The following DSCAML1 variants were observed in gnomAD, a reference collection of about 807,000 sequenced individuals.
DSCAML1 encodes the protein cell adhesion molecule DSCAML1.
DSCAML1 carries 38 observed loss-of-function variants against 200.5 expected under a neutral mutation model. The observed-to-expected ratio is 0.19, with a 90% CI of 0.15 to 0.25. DSCAML1 has a LOEUF of 0.25. Ranked by LOEUF, DSCAML1 falls within the 10% of genes least tolerant of loss-of-function variation. DSCAML1 has a pLI of 1.00. For missense variants in DSCAML1, 2,223 were observed against 2,858.8 expected, an observed-to-expected ratio of 0.78 and a Z score of 5.07; for synonymous variants, 1,215 against 1,165.0, an observed-to-expected ratio of 1.04 and a Z score of -0.87.
chr11:117,790,470 A>C (rs908813505), intron 1 of DSCAML1, among the ~76,000 whole-genome samples: 4 of 152,208 alleles, frequency 2.6e-5, no homozygotes, highest in Admixed American at 2.0e-4. Flanking sequence ...AAAATTCTCC[A>C]TATGTTGGGG....
chr11:117,437,043 T>C lies in DSCAML1; in HGVS notation c.4720+79A>G, dbSNP rs962204385. 1.2e-5 allele frequency: 18 copies of C among 1,518,782 alleles called. No individual in the cohort carries two copies. Among genetic ancestry groups the C allele is most frequent in the Middle Eastern group, 1.8e-4 (1 of 5,568 alleles). The allele number at this position is 1,518,782 out of a possible 1,614,324, so 94.1% of individuals were successfully genotyped here. On this transcript the variant is annotated intron_variant, in intron 26 of 32. Transcript: ENST00000651296. The surrounding 1 kb of genome is among the most constrained non-coding windows in gnomAD (Gnocchi z 5.3). ...GTTTTTCTATTAGTCTGTCTCTTTA[T>C]GTATCTGCCACTCTGCCCACTTCCT...
chr11:117,513,395 C>T lies in DSCAML1; in HGVS notation c.1783+3072G>A, dbSNP rs543060442. ...TGAGGGTCTCCTCTCTCCTCCCAGA[C>T]CTCAGATGGCCACGGTGAGGTTTCC... On this transcript the variant is annotated intron_variant, in intron 8 of 32. Transcript: ENST00000651296. Among the ~76,000 whole-genome samples, 4 of 152,250 alleles carry T rather than the reference C, an allele frequency of 2.6e-5. No homozygotes were observed. In the South Asian group the frequency reaches 8.3e-4, roughly 32 times the overall value.
At chr11:117,683,453 G>A (rs1050710724) in intron 3 of DSCAML1, among the ~76,000 whole-genome samples, 2 of 152,198 alleles carry the variant, frequency 1.3e-5, no homozygotes, top group Admixed American at 6.5e-5. Flanking sequence ...AGTCATCTGC[G>A]AGTTTCTCGA....
chr11:117,540,568 CAATT>C (rs1056085567), intron 3 of DSCAML1, among the ~76,000 whole-genome samples: 2 of 150,938 alleles, frequency 1.3e-5, no homozygotes, highest in African/African-American at 4.9e-5. Flanking sequence ...TATTTTACCA[CAATT>C]AAAGTTGAAA....
At chr11:117,790,272 G>A (rs1591513987) in intron 1 of DSCAML1, among the ~76,000 whole-genome samples, 1 of 152,214 alleles carries the variant, frequency 6.6e-6, no homozygotes, top group Non-Finnish European at 1.5e-5. Context: ...TGGTCCAGAG[G>A]ACTATGGACT....
upstream of DSCAML1, chr11:117,801,007 C>G (rs961669083): frequency 3.9e-5 from 6 of 152,160 alleles, no homozygotes; most frequent in African/African-American, 1.2e-4. Context: ...TAAAAGGAAT[C>G]AATACTGAAC....
At chr11:117,582,077 C>T (rs2051049192) in intron 3 of DSCAML1, among the ~76,000 whole-genome samples, 1 of 152,184 alleles carries the variant, frequency 6.6e-6, no homozygotes, top group Admixed American at 6.5e-5. Context: ...CATTTGAGGA[C>T]ACAGGAATGA....
chr11:117,552,189 G>A (rs1349011852), intron 3 of DSCAML1, among the ~76,000 whole-genome samples: 1 of 151,962 alleles, frequency 6.6e-6, no homozygotes, highest in Admixed American at 6.5e-5. Flanking sequence ...CGTCCCTACT[G>A]GGCTGTGGGG....
chr11:117,671,119 C>T (rs888074132), intron 3 of DSCAML1, among the ~76,000 whole-genome samples: 5 of 152,216 alleles, frequency 3.3e-5, no homozygotes, highest in Admixed American at 2.0e-4. Flanking sequence ...CACAGCTCCC[C>T]GAGAGGGACA....
chr11:117,796,272 C>T (rs1404398543), intron 1 of DSCAML1, among the ~76,000 whole-genome samples: 2 of 152,264 alleles, frequency 1.3e-5, no homozygotes, highest in Non-Finnish European at 2.9e-5. Context: ...GGACACGCCC[C>T]CCAGCCTGAA....
intron 3 of DSCAML1, among the ~76,000 whole-genome samples, chr11:117,681,888 T>C (rs541354644): frequency 2.7e-4 from 41 of 152,308 alleles, no homozygotes; most frequent in African/African-American, 8.9e-4. Flanking sequence ...TACAGACTGA[T>C]AGAATTATTT....
intron 1 of DSCAML1, among the ~76,000 whole-genome samples, chr11:117,792,719 C>A (rs967127998): frequency 9.2e-5 from 14 of 152,152 alleles, no homozygotes; most frequent in Non-Finnish European, 1.6e-4. Context: ...TAGGGGTGCA[C>A]CCACCAGGAA....
intron 3 of DSCAML1, among the ~76,000 whole-genome samples, chr11:117,732,197 C>A (rs2054234253): frequency 2.0e-5 from 3 of 152,202 alleles, no homozygotes; most frequent in African/African-American, 7.2e-5. Context: ...AGGTGCTGTG[C>A]TGGAAGCTTT....
chr11:117,497,878 T>C (rs1371217873), intron 11 of DSCAML1, among the ~76,000 whole-genome samples: 1 of 152,216 alleles, frequency 6.6e-6, no homozygotes, highest in African/African-American at 2.4e-5. Context: ...CCTTGAGTGC[T>C]GCCCCGCCTC....
At chr11:117,728,818 T>C (rs1425961898) in intron 3 of DSCAML1, among the ~76,000 whole-genome samples, 1 of 152,214 alleles carries the variant, frequency 6.6e-6, no homozygotes, top group African/African-American at 2.4e-5. Flanking sequence ...GGATATCCCA[T>C]GTTCATAGGC....
chr11:117,575,145 A>G (rs895959084), intron 3 of DSCAML1, among the ~76,000 whole-genome samples: 3 of 152,196 alleles, frequency 2.0e-5, no homozygotes, highest in African/African-American at 7.2e-5. Flanking sequence ...GAGCTAAGAT[A>G]GTGCCATTAC....
At chr11:117,460,507 T>G (rs1166468232) in intron 18 of DSCAML1, among the ~76,000 whole-genome samples, 1 of 152,156 alleles carries the variant, frequency 6.6e-6, no homozygotes, top group Non-Finnish European at 1.5e-5. Flanking sequence ...AAACTCATTT[T>G]AGTCCTTTGT....
intron 1 of DSCAML1, among the ~76,000 whole-genome samples, chr11:117,782,892 G>A (rs2055288507): frequency 6.6e-6 from 1 of 152,068 alleles, no homozygotes; most frequent in South Asian, 2.1e-4. Flanking sequence ...AGAGATCAAT[G>A]CAACTTACCC....
At chr11:117,809,882 T>TAC (rs368848322) in intron 1 of DSCAML1, among the ~76,000 whole-genome samples, 2,846 of 150,424 alleles carry the variant, frequency 0.019, 29 homozygotes, top group African/African-American at 0.021. Context: ...CACATACTCT[T>TAC]ACACACACAC....
Sources: gnomAD v4.1 joint callset for allele counts (sites outside exome capture counted in the v4.1 genomes callset) on GRCh38, gnomAD v4.1.1 for gene constraint, Gnocchi (gnomAD v3.1) non-coding constraint, MANE v1.5 for transcripts, NCBI Gene and HGNC (gene_info 2026-07-23, HGNC 2026-07-21) for gene names.